Variants in FGF14 observed in about 807,000 individuals in gnomAD.
FGF14 encodes the protein fibroblast growth factor 14, also known as fibroblast growth factor homologous factor 4.
Under a neutral mutation model 25.5 loss-of-function variants are expected in FGF14, and 5 were observed. That is an observed-to-expected ratio of 0.20 (90% CI 0.10 to 0.41). FGF14 has a LOEUF of 0.41. FGF14 is among the 10% of genes least tolerant of loss of function. FGF14 has a pLI of 1.00. For synonymous variants in FGF14, 138 were observed against 118.3 expected (o/e 1.17, Z -1.08); for missense variants, 222 against 320.1 (o/e 0.69, Z 2.34).
At chr13:101,816,248 G>C (rs1278304966) in intron 3 of FGF14, among the ~76,000 whole-genome samples, 21 of 129,274 alleles carry the variant, frequency 1.6e-4, no homozygotes, top group Middle Eastern at 4.3e-3. Flanking sequence ...CCAACCTGGG[G>C]AACAGAGAGA....
At chr13:101,837,024 C>G (rs1460395780) in intron 3 of FGF14, among the ~76,000 whole-genome samples, 1 of 152,050 alleles carries the variant, frequency 6.6e-6, no homozygotes, top group East Asian at 1.9e-4. Flanking sequence ...CTTTCTCCTT[C>G]ATGTTTTTAG....
upstream of FGF14, among the ~76,000 whole-genome samples, chr13:101,917,053 CGGCGGCTCCCCGGGCGCCGGCTGGAG>C (rs1377491073): frequency 2.0e-5 from 3 of 151,384 alleles, no homozygotes; most frequent in African/African-American, 7.3e-5. Flanking sequence ...TAGAGCCGGC[CGGCGGCTCCCCGGGCGCCGGCTGGAG>C]GGCGGGTCCC....
chr13:102,009,303 T>C (rs941044273), intron 1 of FGF14, among the ~76,000 whole-genome samples: 3 of 152,124 alleles, frequency 2.0e-5, no homozygotes, highest in Non-Finnish European at 2.9e-5. Flanking sequence ...GATGGATAAA[T>C]CGGTAATAGA....
At chr13:102,111,652 G>A (rs1863090895) in intron 1 of FGF14, among the ~76,000 whole-genome samples, 1 of 151,862 alleles carries the variant, frequency 6.6e-6, no homozygotes, top group Admixed American at 6.6e-5. Flanking sequence ...GGAGGTGGAG[G>A]CTGCAGTGAG....
At chr13:101,857,708 A>G (rs12430967) in intron 3 of FGF14, among the ~76,000 whole-genome samples, 21,976 of 151,984 alleles carry the variant, frequency 0.14, 1,772 homozygotes, top group East Asian at 0.33. Context: ...ATCTGCGTCT[A>G]TCTTTGTCAT....
At chr13:102,254,597 G>A (rs1951542323) in intron 1 of FGF14, among the ~76,000 whole-genome samples, 2 of 152,162 alleles carry the variant, frequency 1.3e-5, no homozygotes, top group South Asian at 2.1e-4. Context: ...CGTGGTCCTC[G>A]TCGTTGGTAC....
At chr13:102,073,986 G>C (rs1217560098) in intron 1 of FGF14, among the ~76,000 whole-genome samples, 6 of 152,234 alleles carry the variant, frequency 3.9e-5, no homozygotes, top group African/African-American at 1.4e-4. Context: ...CAAGGTCTGA[G>C]ACAGTTTCAT....
At chr13:101,810,880 G>T (rs79126465) in intron 3 of FGF14, among the ~76,000 whole-genome samples, 351 of 152,020 alleles carry the variant, frequency 2.3e-3, no homozygotes, top group African/African-American at 8.0e-3. Context: ...AAAAGCATGG[G>T]TCCTAACTTG....
At chr13:102,112,851 TG>T (rs2045299330) in intron 1 of FGF14, among the ~76,000 whole-genome samples, 1 of 152,226 alleles carries the variant, frequency 6.6e-6, no homozygotes, top group Non-Finnish European at 1.5e-5. Context: ...TCATCAAGCT[TG>T]AGCAATTTTC....
intron 1 of FGF14, among the ~76,000 whole-genome samples, chr13:102,233,761 C>G (rs527574435): frequency 1.3e-5 from 2 of 152,102 alleles, no homozygotes; most frequent in Non-Finnish European, 2.9e-5. Context: ...TTACTCTTGT[C>G]GACACACAAC....
chr13:101,724,155 C>T (rs1255127271), intron 4 of FGF14, among the ~76,000 whole-genome samples: 4 of 152,028 alleles, frequency 2.6e-5, no homozygotes, highest in East Asian at 1.9e-4. Flanking sequence ...ATTAAATTAG[C>T]AGACAAAAGC....
chr13:102,202,244 G>T (rs1308679191), intron 1 of FGF14, among the ~76,000 whole-genome samples: 1 of 152,134 alleles, frequency 6.6e-6, no homozygotes, highest in African/African-American at 2.4e-5. Flanking sequence ...AGCAAAACAA[G>T]AATGGACTAA....
chr13:101,835,064 C>T (rs1480611176), intron 3 of FGF14, among the ~76,000 whole-genome samples: 1 of 152,046 alleles, frequency 6.6e-6, no homozygotes, highest in East Asian at 1.9e-4. Context: ...AAGGATAGCA[C>T]TGCATTTAAA....
intron 3 of FGF14, among the ~76,000 whole-genome samples, chr13:101,772,049 T>C (rs915786471): frequency 2.6e-5 from 4 of 152,054 alleles, no homozygotes; most frequent in Non-Finnish European, 5.9e-5. Flanking sequence ...AAAGGCATTG[T>C]TGAAATAAGA....
chr13:102,004,011 T>C lies in FGF14; in HGVS notation c.209-128715A>G, dbSNP rs1475482811. On this transcript the variant is annotated intron_variant, in intron 1 of 4. Coordinates refer to the FGF14 transcript ENST00000376131. ...ATACCTCCCCAGAGAGTTATCTCTATGTTATTCCCACTGACAGGAAAGTTG... is the reference window on the plus strand; with the variant it reads ...ATACCTCCCCAGAGAGTTATCTCTACGTTATTCCCACTGACAGGAAAGTTG... Among the ~76,000 whole-genome samples, 5 of 152,224 alleles carry C rather than the reference T, an allele frequency of 3.3e-5. No homozygotes were observed. The East Asian group carries it at 9.6e-4, about 29-fold the overall frequency.
intron 1 of FGF14, among the ~76,000 whole-genome samples, chr13:101,898,320 G>A (rs2031016705): frequency 6.9e-6 from 1 of 144,884 alleles, no homozygotes; most frequent in South Asian, 2.2e-4. Flanking sequence ...TACTCAACCT[G>A]TATAAAGGCA....
At chr13:101,924,686 G>A (rs1200462179) in intron 1 of FGF14, among the ~76,000 whole-genome samples, 1 of 152,170 alleles carries the variant, frequency 6.6e-6, no homozygotes, top group Non-Finnish European at 1.5e-5. Flanking sequence ...AAAGCTTTTA[G>A]TTCTAGTGAA....
chr13:102,327,100 T>C (rs1594861162), intron 1 of FGF14, among the ~76,000 whole-genome samples: 1 of 152,336 alleles, frequency 6.6e-6, no homozygotes, highest in Admixed American at 6.5e-5. Flanking sequence ...GGTGTCTTCA[T>C]CAAAATAAAG....
intron 1 of FGF14, among the ~76,000 whole-genome samples, chr13:102,300,469 G>A (rs1274892343): frequency 1.6e-4 from 24 of 152,092 alleles, no homozygotes; most frequent in Admixed American, 1.5e-3. Flanking sequence ...TGACAGTCTT[G>A]TTGTATTCCC....
Sources: gnomAD v4.1 joint callset for allele counts (sites outside exome capture counted in the v4.1 genomes callset) on GRCh38, gnomAD v4.1.1 for gene constraint, MANE v1.5 for transcripts, NCBI Gene and HGNC (gene_info 2026-07-23, HGNC 2026-07-21) for gene names.